Variants in TSPO observed in about 807,000 individuals in gnomAD.
TSPO encodes benzodiazepine peripheral binding site.
In TSPO, 14 loss-of-function variants were observed where a neutral mutation model predicts 13.9. The observed-to-expected ratio is 1.01, with a 90% CI of 0.67 to 1.58. The LOEUF (loss-of-function observed/expected upper bound fraction) is 1.58. TSPO is among the 40% of genes most tolerant of loss of function. The probability of loss-of-function intolerance (pLI) is 0.00; values close to 1 mark genes in which losing one functional copy is unlikely to be tolerated. For missense variants in TSPO, 232 were observed against 229.6 expected (o/e 1.01, Z -0.07); for synonymous variants, 114 against 105.9 (o/e 1.08, Z -0.47).
At chr22:43,154,179 C>T (rs1047555877) in intron 1 of TSPO, among the ~76,000 whole-genome samples, 7 of 152,054 alleles carry the variant, frequency 4.6e-5, no homozygotes, top group East Asian at 1.9e-4. Flanking sequence ...ACGATGAGGA[C>T]GATTAGCCAT....
At chr22:43,159,816 CATA>C (rs1931377169) in intron 2 of TSPO, 1 of 179,040 alleles carries the variant, frequency 5.6e-6, no homozygotes, top group African/African-American at 2.4e-5. Flanking sequence ...CAACGACCCC[CATA>C]ATAAGAGGCC....
intron 1 of TSPO, among the ~76,000 whole-genome samples, chr22:43,154,170 C>T (rs1931179613): frequency 1.3e-5 from 2 of 151,924 alleles, no homozygotes; most frequent in East Asian, 1.9e-4. Context: ...ACAAAGGTTA[C>T]GATGAGGACG....
At chr22:43,158,575 G>T (rs1225707884) in intron 1 of TSPO, among the ~76,000 whole-genome samples, 1 of 152,188 alleles carries the variant, frequency 6.6e-6, no homozygotes, top group East Asian at 1.9e-4. Flanking sequence ...TCTGTCTCCG[G>T]TGCATGGGGA....
rs760654235 is a variant in TSPO at position 43,162,885 on chromosome 22, G to A, written c.404G>A (p.Arg135His). Residue 135 changes from arginine to histidine, a missense_variant, in exon 4 of 4, where the codon CGC becomes CAC. Transcript: ENST00000337554. ...TACCAGGTGAGCCCGCTGGCCGCCC[G>A]CCTGCTCTACCCCTACCTGGCCTGG... Reference protein sequence around the residue: ...AWYQVSPLAARLLYPYLAWLA... With the variant: ...AWYQVSPLAAHLLYPYLAWLA... The A allele has an allele frequency of 3.2e-5, 50 of 1,581,724 alleles. No homozygotes were observed. The highest frequency in any genetic ancestry group is 1.2e-4 in the East Asian group (5 of 43,100).
At chr22:43,161,301 A>T (rs1601759678) in intron 3 of TSPO, 111 bp downstream of exon 3, 1 of 1,435,722 alleles carries the variant, frequency 7.0e-7, no homozygotes, top group East Asian at 2.4e-5. Flanking sequence ...AGGGGAGACA[A>T]AAGGCCATGT....
intron 1 of TSPO, among the ~76,000 whole-genome samples, chr22:43,158,177 C>G (rs1479946388): frequency 6.6e-6 from 1 of 152,206 alleles, no homozygotes; most frequent in Non-Finnish European, 1.5e-5. Context: ...TCCATGTCCC[C>G]TGGACTGCTT....
intron 3 of TSPO, among the ~76,000 whole-genome samples, chr22:43,162,553 C>T (rs1043862759): frequency 1.3e-5 from 2 of 152,154 alleles, no homozygotes; most frequent in South Asian, 2.1e-4. Flanking sequence ...TTGAACAAAC[C>T]GAGTTCACTT....
At chr22:43,162,338 T>C (rs550128384) in intron 3 of TSPO, among the ~76,000 whole-genome samples, 1 of 152,190 alleles carries the variant, frequency 6.6e-6, no homozygotes, top group South Asian at 2.1e-4. Context: ...GTCAGGTTGG[T>C]CTTGAACTCC....
intron 1 of TSPO, among the ~76,000 whole-genome samples, chr22:43,154,953 C>T (rs1931203846): frequency 6.6e-6 from 1 of 152,034 alleles, no homozygotes; most frequent in Admixed American, 6.6e-5. Context: ...AACCTTCTGG[C>T]ACCGTTCAGA....
chr22:43,161,286 G>C, intron 3 of TSPO, 96 bp downstream of exon 3: 1 of 1,495,170 alleles, frequency 6.7e-7, no homozygotes, highest in South Asian at 1.3e-5. Flanking sequence ...TCTATAGGCG[G>C]GGCCAGGGGA....
At chr22:43,152,767 G>A (rs189148726) in intron 1 of TSPO, among the ~76,000 whole-genome samples, 15 of 152,334 alleles carry the variant, frequency 9.8e-5, no homozygotes, top group Admixed American at 7.8e-4. Context: ...GCCAGAACCC[G>A]TGCAGGCTGA....
At chr22:43,162,139 T>TG (rs1931461176) in intron 3 of TSPO, among the ~76,000 whole-genome samples, 1 of 150,252 alleles carries the variant, frequency 6.7e-6, no homozygotes, top group South Asian at 2.1e-4. Flanking sequence ...TTTTTTTTTT[T>TG]GAGACGGAGT....
Position 43,163,219 on chromosome 22 carries a change from G to A in TSPO, c.*228G>A. 7.4e-7 allele frequency: 1 copy of A among 1,356,420 alleles called. No individual in the cohort carries two copies. The highest frequency in any genetic ancestry group is 9.7e-7 in the Non-Finnish European group (1 of 1,033,126). 84.0% of individuals were successfully genotyped at this position (1,356,420 alleles called of 1,614,324 possible). ...CTTGGAACATGGAATTTTATAAGCT[G>A]AATAAAGTTTTTGACTTCCTTTACC... On this transcript the variant is annotated 3_prime_UTR_variant, in exon 4 of 4. Transcript: ENST00000337554.
rs972335554 is a variant in TSPO at position 43,151,574 on chromosome 22, G to C, written c.-60G>C. ...CGGCCTGGCTAACTCCTGCCAGGCA[G>C]TGCCCTTCCCGGAGCGTGCCCTCGC... On this transcript the variant is annotated 5_prime_UTR_variant, in exon 1 of 4. Coordinates refer to ENST00000337554, the MANE Select transcript of TSPO (RefSeq NM_000714.6). The C allele has an allele frequency of 6.6e-6, 1 of 152,310 alleles. No individual in the cohort carries two copies. The highest frequency in any genetic ancestry group is 1.5e-5 in the Non-Finnish European group (1 of 68,048). The allele number at this position is 152,310 out of a possible 1,614,324, so 9.4% of individuals were successfully genotyped here.
At chr22:43,157,310 G>A (rs935782575) in intron 1 of TSPO, among the ~76,000 whole-genome samples, 23 of 151,352 alleles carry the variant, frequency 1.5e-4, no homozygotes, top group Non-Finnish European at 3.0e-4. Flanking sequence ...GGAGGGAGGG[G>A]CGGGGCAGGA....
At chr22:43,156,450 G>A (rs1352613326) in intron 1 of TSPO, among the ~76,000 whole-genome samples, 3 of 151,474 alleles carry the variant, frequency 2.0e-5, no homozygotes, top group Non-Finnish European at 4.4e-5. Context: ...AGCCAGACAC[G>A]AGGGCCACAC....
intron 1 of TSPO, among the ~76,000 whole-genome samples, chr22:43,156,764 T>A (rs1210746562): frequency 6.6e-6 from 1 of 152,172 alleles, no homozygotes; most frequent in Admixed American, 6.5e-5. Context: ...GCGCACCAGC[T>A]TCCATGTCGT....
intron 3 of TSPO, 74 bp from the exon 4 acceptor site, chr22:43,162,729 T>G: frequency 1.4e-6 from 2 of 1,413,920 alleles, no homozygotes. Context: ...CAGTGGGAGT[T>G]GGGCAGTGGG....
chr22:43,155,722 C>G (rs545862196), intron 1 of TSPO, among the ~76,000 whole-genome samples: 3 of 152,152 alleles, frequency 2.0e-5, no homozygotes, highest in African/African-American at 7.2e-5. Flanking sequence ...GGCCCAGAGA[C>G]GAGCCTTGGA....
Sources: allele counts gnomAD v4.1 joint callset (sites outside exome capture counted in the v4.1 genomes callset), GRCh38; gene constraint gnomAD v4.1.1; transcripts MANE v1.5; gene names NCBI Gene and HGNC (gene_info 2026-07-23, HGNC 2026-07-21).